The following ARFGAP1 variants were observed in gnomAD, a reference collection of about 807,000 sequenced individuals.
The protein encoded by ARFGAP1 is ADP-ribosylation factor GTPase-activating protein 1.
A neutral mutation model predicts 54.0 loss-of-function variants in ARFGAP1; 26 were observed. The ratio of observed to expected loss-of-function variants is 0.48; its 90% CI spans 0.35 to 0.67. The LOEUF (loss-of-function observed/expected upper bound fraction) is 0.67, where lower values mean the gene tolerates loss of function less well. Ranked by LOEUF, ARFGAP1 falls within the 30% of genes least tolerant of loss-of-function variation. ARFGAP1 has a pLI of 0.00. For missense variants in ARFGAP1, 525 were observed against 535.8 expected, an observed-to-expected ratio of 0.98 and a Z score of 0.20; for synonymous variants, 248 against 211.9, an observed-to-expected ratio of 1.17 and a Z score of -1.48.
At chr20:63,279,985 AT>A (rs527686537) in intron 7 of ARFGAP1, among the ~76,000 whole-genome samples, 368 of 152,284 alleles carry the variant, frequency 2.4e-3, no homozygotes, top group Non-Finnish European at 4.6e-3. Context: ...CTAAAAAAAT[AT>A]AAAAATTAGC....
chr20:63,277,072 T>C, intron 4 of ARFGAP1, 133 bp from the exon 5 acceptor site: 1 of 695,420 alleles, frequency 1.4e-6, no homozygotes, highest in Non-Finnish European at 2.4e-6. Context: ...GCAGGGGCCG[T>C]CGAGGGGGCC....
chr20:63,277,975 G>A, intron 5 of ARFGAP1, 142 bp from the exon 6 acceptor site: 1 of 695,786 alleles, frequency 1.4e-6, no homozygotes, highest in Admixed American at 2.3e-5. Context: ...ACTCAGAGCT[G>A]AAGGCCACCC....
rs544184452 is a variant in ARFGAP1 at position 63,285,170 on chromosome 20, C to T, written c.774+248C>T. Among the ~76,000 whole-genome samples, 39 of 152,154 alleles carry T rather than the reference C, an allele frequency of 2.6e-4. 1 individual carries two copies. In the South Asian group the frequency reaches 7.3e-3, roughly 28 times the overall value. On this transcript the variant is annotated intron_variant, in intron 10 of 12. Coordinates refer to ENST00000370283, the MANE Select transcript of ARFGAP1 (RefSeq NM_018209.4). ...CAGCCCAGCACCCCCAGCCCACCTC[C>T]GTTCCTCTGCCTCACCCCTACAGCT...
At chr20:63,283,664 G>A (rs966999293) in intron 9 of ARFGAP1, 42 of 579,222 alleles carry the variant, frequency 7.3e-5, no homozygotes, top group Non-Finnish European at 8.9e-5. Flanking sequence ...AGTCGCTCGC[G>A]CAGTTTCTGA....
At chr20:63,287,185 CTG>C (rs1443452157) in intron 12 of ARFGAP1, among the ~76,000 whole-genome samples, 2 of 152,290 alleles carry the variant, frequency 1.3e-5, no homozygotes, top group African/African-American at 4.8e-5. Flanking sequence ...AGGGCCAGAT[CTG>C]GGGCCAGCGT....
rs773390526 is a variant in ARFGAP1, at chr20:63,276,110, C to T, written c.80C>T (p.Ala27Val). 7 of 1,613,904 alleles carry T rather than the reference C, an allele frequency of 4.3e-6. No homozygotes were observed. Among genetic ancestry groups the T allele is most frequent in the African/African-American group, 1.3e-5 (1 of 74,906 alleles). Residue 27 changes from alanine to valine, a missense_variant, in exon 3 of 13, where the codon GCG becomes GTG. Physicochemically the swap from Ala to Val is moderately conservative, Grantham distance 64. Coordinates refer to ENST00000370283, the MANE Select transcript of ARFGAP1 (RefSeq NM_018209.4). This position sits in a 1 kb window ranked among gnomAD's most constrained non-coding sequence, Gnocchi z 5.2. ...DENNVCFECG[A>V]FNPQWVSVTY... The stretch of plus-strand genomic sequence containing the variant: ...TTGCAGGTTTGTTTTGAGTGTGGCG[C>T]GTTCAATCCTCAGTGGGTCAGTGTG...
chr20:63,286,216 T>C (rs1453686044), intron 11 of ARFGAP1, 150 bp from the exon 12 acceptor site: 3 of 1,547,474 alleles, frequency 1.9e-6, no homozygotes, highest in South Asian at 1.2e-5. Flanking sequence ...GGCGTCTGTG[T>C]CTGTACGTGT....
Position 63,281,695 on chromosome 20 carries a change from T to G in ARFGAP1, c.684+348T>G, listed in dbSNP as rs1040672154. On this transcript the variant is annotated intron_variant, in intron 8 of 12. Transcript: ENST00000370283. ...CTCCGGCACCCTGTGCCCTGGAGCT[T>G]CTTCTGGGGCTCAAGTCGTGTTTTG... Among the ~76,000 whole-genome samples the G allele has an allele frequency of 5.9e-5, 9 of 152,184 alleles. No individual in the cohort carries two copies. The South Asian group carries it at 6.2e-4, about 10-fold the overall frequency.
intron 6 of ARFGAP1, 87 bp from the exon 7 acceptor site, chr20:63,278,812 A>G: frequency 7.5e-7 from 1 of 1,327,820 alleles, no homozygotes; most frequent in Non-Finnish European, 1.1e-6. Context: ...CCAGAGCCCC[A>G]GCCTTGCCTG....
In ARFGAP1 at chr20:63,278,209, G is replaced by A. The variant is rs2067282367; in HGVS notation, c.530+6G>A. The A allele has an allele frequency of 6.2e-7, 1 of 1,612,740 alleles. No individual in the cohort carries two copies. Among genetic ancestry groups the A allele is most frequent in the Non-Finnish European group, 8.5e-7 (1 of 1,179,690 alleles). On this transcript the variant is annotated splice_donor_region_variant and intron_variant, in intron 6 of 12. Transcript: ENST00000370283. ...GACCTCGGCTCCTATCAAGGGTAAG[G>A]ACTTGAGAGCTGGGGACGCCTGGCG...
At chr20:63,282,190 A>T (rs2067402267) in intron 8 of ARFGAP1, among the ~76,000 whole-genome samples, 4 of 152,192 alleles carry the variant, frequency 2.6e-5, no homozygotes, top group Admixed American at 2.0e-4. Context: ...TGGAAGGGGC[A>T]GCAGGCCAGG....
rs2067414959 is a variant in ARFGAP1, at chr20:63,282,678, A to G, written c.685-141A>G. On this transcript the variant is annotated intron_variant, in intron 8 of 12. Transcript: ENST00000370283. Reference sequence around the variant, plus strand: ...GCTGCAGCTCTTCTGGGCATCTCAGAGTTATAGGGCCCGCCCAGAGCCGCT... The same window carrying G: ...GCTGCAGCTCTTCTGGGCATCTCAGGGTTATAGGGCCCGCCCAGAGCCGCT... 4 of 766,738 alleles carry G rather than the reference A, an allele frequency of 5.2e-6. No homozygotes were observed. In the East Asian group the frequency reaches 1.0e-4, roughly 20 times the overall value. The allele number at this position is 766,738 out of a possible 1,614,324, so 47.5% of individuals were successfully genotyped here.
chr20:63,278,646 CCTT>C (rs1262627283), intron 6 of ARFGAP1: 3 of 531,842 alleles, frequency 5.6e-6, no homozygotes, highest in South Asian at 2.5e-5. Context: ...TTGTTTTGAT[CCTT>C]CTTCTAGTAC....
Position 63,276,693 on chromosome 20 carries a change from T to C in ARFGAP1, c.342+42T>C. 2 of 1,555,220 alleles carry C rather than the reference T, an allele frequency of 1.3e-6. No individual in the cohort carries two copies. Among genetic ancestry groups the C allele is most frequent in the Non-Finnish European group, 1.7e-6 (2 of 1,149,166 alleles). On this transcript the variant is annotated intron_variant, in intron 4 of 12. Transcript: ENST00000370283. The surrounding 1 kb of genome is among the most constrained non-coding windows in gnomAD (Gnocchi z 5.2). ...TTCACTCTTGCCCATGGTGTGGGGC[T>C]GCCCTGCCGTTTGTGGCAGCTGGAC...
chr20:63,280,158 T>C (rs2067343038), intron 7 of ARFGAP1, among the ~76,000 whole-genome samples: 1 of 152,194 alleles, frequency 6.6e-6, no homozygotes, highest in Non-Finnish European at 1.5e-5. Context: ...AAAAAAAGAT[T>C]TTTATTCATT....
chr20:63,284,908 C>T lies in ARFGAP1; in HGVS notation c.760C>T (p.Pro254Ser), dbSNP rs1278940618. The T allele has an allele frequency of 1.9e-6, 3 of 1,613,196 alleles. No individual in the cohort carries two copies. The highest frequency in any genetic ancestry group is 1.3e-5 in the African/African-American group (1 of 74,906). Reference protein sequence around the residue: ...GHSLNENVLKPAQEKVKEGKI... With the variant: ...GHSLNENVLKSAQEKVKEGKI... ...CAGCCTGAACGAGAACGTCCTCAAG[C>T]CTGCGCAGGAGAAGGTAACGGGCAG... Residue 254 changes from proline to serine, a missense_variant, in exon 10 of 13, where the codon CCT becomes TCT. By Grantham distance (74) the Pro-to-Ser change is moderately conservative (BLOSUM62 -1). Transcript: ENST00000370283.
chr20:63,277,100 G>T, intron 4 of ARFGAP1, 105 bp from the exon 5 acceptor site: 4 of 918,810 alleles, frequency 4.4e-6, no homozygotes, highest in Non-Finnish European at 5.0e-6. Flanking sequence ...GGCTGCGGGT[G>T]GTGGGTGCTC....
At chr20:63,281,800 A>G (rs1271330316) in intron 8 of ARFGAP1, among the ~76,000 whole-genome samples, 3 of 152,188 alleles carry the variant, frequency 2.0e-5, no homozygotes, top group Non-Finnish European at 2.9e-5. Context: ...CAGACAGTGA[A>G]GCATGAGGCA....
intron 8 of ARFGAP1, 105 bp downstream of exon 8, chr20:63,281,452 AG>A: frequency 1.4e-6 from 2 of 1,387,980 alleles, no homozygotes; most frequent in Non-Finnish European, 2.0e-6. Flanking sequence ...TGGGACACAG[AG>A]GGTTTCTGGG....
Sources: allele counts gnomAD v4.1 joint callset (sites outside exome capture counted in the v4.1 genomes callset), GRCh38; gene constraint gnomAD v4.1.1; non-coding constraint Gnocchi (gnomAD v3.1); transcripts MANE v1.5; gene names NCBI Gene and HGNC (gene_info 2026-07-23, HGNC 2026-07-21).